FHIT: variants seen among roughly 807,000 people sequenced by gnomAD.
FHIT encodes the protein fragile histidine triad diadenosine triphosphatase.
Under a neutral mutation model 17.9 loss-of-function variants are expected in FHIT, and 19 were observed. The observed-to-expected ratio is 1.06, with a 90% CI of 0.74 to 1.56. The LOEUF (loss-of-function observed/expected upper bound fraction) is 1.56. Ranked by LOEUF, FHIT falls within the 40% of genes most tolerant of loss-of-function variation. The pLI, the probability that FHIT is intolerant of heterozygous loss-of-function variation, is 0.00. For missense variants in FHIT, 248 were observed against 189.2 expected (o/e 1.31, Z -1.82); for synonymous variants, 81 against 69.7 (o/e 1.16, Z -0.81).
intron 3 of FHIT, chr3:60,912,666 A>G: frequency 2.2e-6 from 1 of 451,452 alleles, no homozygotes; most frequent in Non-Finnish European, 4.3e-6. Context: ...AACTCTAGAT[A>G]TTCACTAGCC....
chr3:60,387,725 C>T (rs993009732), intron 5 of FHIT, among the ~76,000 whole-genome samples: 3 of 152,136 alleles, frequency 2.0e-5, no homozygotes, highest in African/African-American at 7.2e-5. Flanking sequence ...CGACTATACC[C>T]TCAAACACAC....
intron 3 of FHIT, among the ~76,000 whole-genome samples, chr3:61,018,009 C>A (rs1470830901): frequency 6.6e-6 from 1 of 152,124 alleles, no homozygotes; most frequent in East Asian, 1.9e-4. Context: ...AGGTCTAAGA[C>A]AAACTGATAA....
At chr3:59,750,135 G>T (rs1156551950) in intron 9 of FHIT, 1 of 226,854 alleles carries the variant, frequency 4.4e-6, no homozygotes, top group African/African-American at 2.2e-5. Context: ...GAGGTGTCAG[G>T]CCTCCAGGCA....
At chr3:61,201,087 T>C (rs1215811207) in intron 1 of FHIT, among the ~76,000 whole-genome samples, 4 of 152,232 alleles carry the variant, frequency 2.6e-5, no homozygotes, top group Non-Finnish European at 5.9e-5. Flanking sequence ...CACTTAGGGA[T>C]GCCTATTCCA....
At chr3:59,852,646 T>C (rs1701987643) in intron 8 of FHIT, among the ~76,000 whole-genome samples, 1 of 152,154 alleles carries the variant, frequency 6.6e-6, no homozygotes, top group African/African-American at 2.4e-5. Flanking sequence ...GTAGTTTCAT[T>C]GTCCTAAAAG....
At chr3:60,506,079 G>C (rs1367100347) in intron 5 of FHIT, among the ~76,000 whole-genome samples, 1 of 152,078 alleles carries the variant, frequency 6.6e-6, no homozygotes, top group Non-Finnish European at 1.5e-5. Flanking sequence ...AATCAACAAA[G>C]CCATGAGTAA....
chr3:60,842,962 C>T (rs543985278), intron 3 of FHIT, among the ~76,000 whole-genome samples: 14 of 152,128 alleles, frequency 9.2e-5, no homozygotes, highest in African/African-American at 3.1e-4. Context: ...GTCAAATCTA[C>T]CAGGCATCTT....
At chr3:60,075,822 C>A (rs1044367494) in intron 5 of FHIT, among the ~76,000 whole-genome samples, 4 of 152,112 alleles carry the variant, frequency 2.6e-5, no homozygotes, top group Non-Finnish European at 4.4e-5. Flanking sequence ...TCTCATGAAG[C>A]TGAGTTTATG....
intron 5 of FHIT, among the ~76,000 whole-genome samples, chr3:60,529,633 A>T (rs955171869): frequency 2.6e-5 from 4 of 152,150 alleles, no homozygotes; most frequent in African/African-American, 9.7e-5. Context: ...AAATCTGATG[A>T]CTTGCATGGA....
chr3:61,066,095 G>A (rs906229982), intron 2 of FHIT, among the ~76,000 whole-genome samples: 3 of 152,156 alleles, frequency 2.0e-5, no homozygotes, highest in Admixed American at 6.5e-5. Flanking sequence ...GAAACAGCAC[G>A]CAAAGGAGCA....
chr3:59,922,091 T>C (rs867426666), intron 8 of FHIT, among the ~76,000 whole-genome samples: 3 of 152,190 alleles, frequency 2.0e-5, no homozygotes, highest in Non-Finnish European at 2.9e-5. Context: ...TCCTGGTAAA[T>C]GACAGGATAG....
chr3:59,964,614 A>C (rs1432218287), intron 7 of FHIT, among the ~76,000 whole-genome samples: 1 of 152,170 alleles, frequency 6.6e-6, no homozygotes, highest in Non-Finnish European at 1.5e-5. Flanking sequence ...CAAACCCCAC[A>C]ACATCACAAT....
At chr3:60,614,791 T>TA (rs1462209908) in intron 4 of FHIT, among the ~76,000 whole-genome samples, 1 of 146,050 alleles carries the variant, frequency 6.8e-6, no homozygotes, top group Non-Finnish European at 1.5e-5. Context: ...CATCGATTTG[T>TA]AAAAAATTGC....
chr3:59,943,261 C>A (rs569608499), intron 7 of FHIT, among the ~76,000 whole-genome samples: 1 of 152,116 alleles, frequency 6.6e-6, no homozygotes, highest in East Asian at 1.9e-4. Flanking sequence ...GAGCGCCCAC[C>A]ATTTGCAGGT....
chr3:61,233,456 C>T (rs1386135342), intron 1 of FHIT, among the ~76,000 whole-genome samples: 1 of 152,104 alleles, frequency 6.6e-6, no homozygotes, highest in Non-Finnish European at 1.5e-5. Context: ...TTTTTTAAAT[C>T]ATTCATTAAT....
intron 8 of FHIT, among the ~76,000 whole-genome samples, chr3:59,909,611 C>T (rs1355724935): frequency 1.3e-5 from 2 of 151,922 alleles, no homozygotes; most frequent in African/African-American, 4.8e-5. Context: ...ATTTTTTTTT[C>T]TAACAAGTCA....
chr3:59,830,512 G>C (rs116067479), intron 8 of FHIT, among the ~76,000 whole-genome samples: 1 of 152,304 alleles, frequency 6.6e-6, no homozygotes, highest in East Asian at 1.9e-4. Context: ...GTTGCTTTGC[G>C]ATTCCAAAAG....
chr3:60,243,255 T>G (rs528553594), intron 5 of FHIT, among the ~76,000 whole-genome samples: 2 of 152,042 alleles, frequency 1.3e-5, no homozygotes, highest in Non-Finnish European at 2.9e-5. Context: ...GAGTTAACAC[T>G]CAATGAATGC....
At chr3:60,017,047 G>A (rs555995321) in intron 5 of FHIT, among the ~76,000 whole-genome samples, 9 of 152,262 alleles carry the variant, frequency 5.9e-5, no homozygotes, top group African/African-American at 9.6e-5. Context: ...CCGTCTGTCC[G>A]ATTCTAAAGT....
Sources: gnomAD v4.1 joint callset for allele counts (sites outside exome capture counted in the v4.1 genomes callset) on GRCh38, gnomAD v4.1.1 for gene constraint, MANE v1.5 for transcripts, NCBI Gene and HGNC (gene_info 2026-07-23, HGNC 2026-07-21) for gene names.